MLLT10: variants seen among roughly 807,000 people sequenced by gnomAD.
The protein encoded by MLLT10 is protein AF-10.
MLLT10 carries 30 observed loss-of-function variants against 129.1 expected under a neutral mutation model. That is an observed-to-expected ratio of 0.23 (90% confidence interval 0.17 to 0.32). The LOEUF is 0.32. Ranked by LOEUF, MLLT10 falls within the 10% of genes least tolerant of loss-of-function variation. MLLT10 has a pLI of 1.00. For synonymous variants in MLLT10, 490 were observed against 446.4 expected, an observed-to-expected ratio of 1.10 and a Z score of -1.23; for missense variants, 1,119 against 1,268.3, an observed-to-expected ratio of 0.88 and a Z score of 1.79.
chr10:21,721,788 T>C (rs1441454064), intron 14 of MLLT10, among the ~76,000 whole-genome samples: 25 of 152,112 alleles, frequency 1.6e-4, no homozygotes, highest in Non-Finnish European at 1.5e-5. Context: ...CCTGAACATA[T>C]ATTGTTTAAA....
At chr10:21,539,200 G>A (rs1220198049) in intron 3 of MLLT10, among the ~76,000 whole-genome samples, 4 of 152,136 alleles carry the variant, frequency 2.6e-5, no homozygotes, top group African/African-American at 9.7e-5. Context: ...AAGTTTGAAG[G>A]TTACACTGGC....
At position 21,733,900 on chromosome 10, in the gene MLLT10, G is replaced by T. The variant is rs754859229; in HGVS notation, c.2629G>T (p.Ala877Ser). ...VQQVNGVTVG[A>S]LASGMQPVTS... ...GCAGGTCAATGGCGTGACAGTGGGGGCACTAGCTAGTGGAATGCAGCCTGT... is the reference window on the plus strand; with the variant it reads ...GCAGGTCAATGGCGTGACAGTGGGGTCACTAGCTAGTGGAATGCAGCCTGT... Residue 877 changes from alanine to serine, a missense_variant, in exon 20 of 23, where the codon GCA (alanine) becomes TCA (serine). By Grantham distance (99) the Ala-to-Ser change is moderately conservative. Around this residue, in one of 5 missense-constraint regions of MLLT10, gnomAD observed 1,004 missense variants for 1,008.7 expected, o/e 1.00. Coordinates refer to ENST00000307729, the MANE Select transcript of MLLT10 (RefSeq NM_001195626.3). 1.9e-6 allele frequency: 3 copies of T among 1,614,170 alleles called. No homozygotes were observed. Among genetic ancestry groups the T allele is most frequent in the Non-Finnish European group, 2.5e-6 (3 of 1,180,028 alleles).
At chr10:21,566,950 A>G (rs1179662905) in intron 3 of MLLT10, among the ~76,000 whole-genome samples, 1 of 151,968 alleles carries the variant, frequency 6.6e-6, no homozygotes, top group African/African-American at 2.4e-5. Flanking sequence ...AGTAGCTGGG[A>G]TTACAGGCAT....
chr10:21,730,118 C>T (rs545426117), intron 16 of MLLT10, among the ~76,000 whole-genome samples: 1 of 151,606 alleles, frequency 6.6e-6, no homozygotes, highest in Non-Finnish European at 1.5e-5. Flanking sequence ...CCAACCTCCC[C>T]CACCGCCGCC....
intron 4 of MLLT10, among the ~76,000 whole-genome samples, chr10:21,590,338 A>T (rs1431773232): frequency 1.3e-5 from 2 of 151,886 alleles, no homozygotes; most frequent in African/African-American, 2.4e-5. Flanking sequence ...TAACATTGCC[A>T]ATAGTATTTT....
At chr10:21,586,219 T>C (rs1242491045) in intron 3 of MLLT10, 75 bp from the exon 4 acceptor site, 2 of 1,154,476 alleles carry the variant, frequency 1.7e-6, no homozygotes, top group Non-Finnish European at 2.5e-6. Context: ...TCAGTAGTTT[T>C]GACGTTGCAG....
At position 21,726,104 on chromosome 10, in the gene MLLT10, C is replaced by T. The variant is rs74366728; in HGVS notation, c.1879-140C>T. On this transcript the variant is annotated intron_variant, in intron 14 of 22. Coordinates refer to ENST00000307729, the MANE Select transcript of MLLT10 (RefSeq NM_001195626.3). ...TGTTGAATGGTAAAACAAGTAAGAA[C>T]GAAATTTGCTTTTCAGAAGGTCACA... The T allele has an allele frequency of 1.3e-3, 767 of 595,168 alleles. 6 individuals are homozygous for T. The highest frequency in any genetic ancestry group is 0.013 in the African/African-American group (663 of 52,426). The allele number at this position is 595,168 out of a possible 1,614,324, so 36.9% of individuals were successfully genotyped here. A position where few individuals can be genotyped will look rare whatever the true frequency, so the allele number is the denominator to read the frequency against.
chr10:21,562,321 TTTTG>T (rs1271899661), intron 3 of MLLT10, among the ~76,000 whole-genome samples: 16 of 149,062 alleles, frequency 1.1e-4, no homozygotes, highest in Non-Finnish European at 2.1e-4. Context: ...TTTTTTTTAT[TTTTG>T]TTTTTTTATT....
rs2058260024 is a variant in MLLT10 at position 21,735,147 on chromosome 10, G to A, written c.2867G>A (p.Gly956Glu). The change falls in exon 21 of 23, where the codon GGA becomes GAA. Residue 956 changes from glycine (G) to glutamate (E), a missense_variant. Coordinates refer to ENST00000307729, the MANE Select transcript of MLLT10 (RefSeq NM_001195626.3). ...TTGTAATCATTTTTCAGTGCCTCAG[G>A]ACTAGGATTACTTTCTGACCAGCAA... ...MPATLTNSASGLGLLSDQQRQ... is the reference protein window; with the variant it reads ...MPATLTNSASELGLLSDQQRQ... 2 of 1,613,156 alleles carry A rather than the reference G, an allele frequency of 1.2e-6. No homozygotes were observed. Among genetic ancestry groups the A allele is most frequent in the African/African-American group, 2.7e-5 (2 of 74,882 alleles).
intron 22 of MLLT10, among the ~76,000 whole-genome samples, chr10:21,740,874 T>G (rs1159783692): frequency 6.6e-6 from 1 of 152,152 alleles, no homozygotes; most frequent in East Asian, 1.9e-4. Context: ...TCTACTTTAC[T>G]GGAGTATAAA....
chr10:21,692,496 T>C (rs1006875607), intron 13 of MLLT10, among the ~76,000 whole-genome samples: 2 of 151,980 alleles, frequency 1.3e-5, no homozygotes, highest in African/African-American at 2.4e-5. Flanking sequence ...CTTTCTTTTA[T>C]TTTTGAGAGA....
chr10:21,702,295 C>T (rs1158086813), intron 13 of MLLT10, among the ~76,000 whole-genome samples: 1 of 152,040 alleles, frequency 6.6e-6, no homozygotes, highest in East Asian at 1.9e-4. Flanking sequence ...AATTTTATTC[C>T]ATTGTAAATT....
At chr10:21,676,720 CAAAAAAAAAAAAAAA>C (rs56000691) in intron 11 of MLLT10, among the ~76,000 whole-genome samples, 60 of 32,004 alleles carry the variant, frequency 1.9e-3, no homozygotes, top group East Asian at 9.7e-3. Context: ...GACTCCATCT[CAAAAAAAAAAAAAAA>C]AAAAAAAAAA....
intron 8 of MLLT10, among the ~76,000 whole-genome samples, chr10:21,632,548 C>T (rs886245381): frequency 6.6e-6 from 1 of 152,088 alleles, no homozygotes; most frequent in African/African-American, 2.4e-5. Context: ...GTTTACAAAG[C>T]GTCTACTCAA....
intron 20 of MLLT10, among the ~76,000 whole-genome samples, chr10:21,734,695 C>T (rs1349897742): frequency 6.6e-6 from 1 of 152,124 alleles, no homozygotes; most frequent in Non-Finnish European, 1.5e-5. Flanking sequence ...AAGCTATTTC[C>T]TGTAGCTCTC....
chr10:21,657,251 G>A (rs1365268533), intron 9 of MLLT10, among the ~76,000 whole-genome samples: 1 of 151,916 alleles, frequency 6.6e-6, no homozygotes, highest in Admixed American at 6.6e-5. Flanking sequence ...AAATTAGCTG[G>A]GCATGGTGGC....
chr10:21,567,032 CGAACTTCCGACTTGAGGT>C (rs1417247491), intron 3 of MLLT10, among the ~76,000 whole-genome samples: 1 of 151,740 alleles, frequency 6.6e-6, no homozygotes, highest in Non-Finnish European at 1.5e-5. Flanking sequence ...AGGCTGTTCT[CGAACTTCCGACTTGAGGT>C]GATCCACCCA....
Position 21,717,716 on chromosome 10 carries a change from TTCC to T in MLLT10, c.1878+3784_1878+3786del, listed in dbSNP as rs878993054. 3.7e-3 allele frequency among the ~76,000 whole-genome samples: 65 copies of T among 17,462 alleles called. 7 individuals are homozygous for T. The highest frequency in any genetic ancestry group is 0.012 in the South Asian group (3 of 248). The allele number at this position is 17,462 out of a possible 152,430, so 11.5% of individuals were successfully genotyped here. ...CCTCCTCCTCTTCCTCCTCCTCCTCTTCCTCCTCCTCCTCCTCCTCTTCCTCCT... is the reference window on the plus strand; with the variant it reads ...CCTCCTCCTCTTCCTCCTCCTCCTCTTCCTCCTCCTCCTCCTCTTCCTCCT... On this transcript the variant is annotated intron_variant, in intron 14 of 22. Transcript: ENST00000307729.
intron 16 of MLLT10, among the ~76,000 whole-genome samples, chr10:21,729,849 A>G (rs2057808740): frequency 6.6e-6 from 1 of 152,200 alleles, no homozygotes; most frequent in Non-Finnish European, 1.5e-5. Context: ...ACTTATTTAA[A>G]CCAAAAAGTG....
Sources: gnomAD v4.1 joint callset for allele counts (sites outside exome capture counted in the v4.1 genomes callset) on GRCh38, gnomAD v4.1.1 for gene constraint, gnomAD v4.1.1 regional missense constraint, MANE v1.5 for transcripts, NCBI Gene and HGNC (gene_info 2026-07-23, HGNC 2026-07-21) for gene names.